The following SGCD variants were observed in gnomAD, a reference collection of about 807,000 sequenced individuals.
The protein encoded by SGCD is delta-sarcoglycan.
In SGCD, 18 loss-of-function variants were observed where a neutral mutation model predicts 36.6. The observed-to-expected ratio is 0.49, with a 90% CI of 0.34 to 0.73. The LOEUF (loss-of-function observed/expected upper bound fraction) is 0.73. SGCD is among the 30% of genes least tolerant of loss of function. SGCD has a pLI of 0.01. For synonymous variants in SGCD, 133 were observed against 130.6 expected (o/e 1.02, Z -0.12); for missense variants, 387 against 346.7 (o/e 1.12, Z -0.92).
At chr5:156,324,123 A>G (rs1395287900), upstream of SGCD, among the ~76,000 whole-genome samples, 1 of 152,204 alleles carries the variant, frequency 6.6e-6, no homozygotes, top group East Asian at 1.9e-4. Flanking sequence ...TAGTGGGGGA[A>G]TTGGTGTGAT....
chr5:156,279,062 C>A (rs1018234615), intron 3 of SGCD, among the ~76,000 whole-genome samples: 1 of 152,148 alleles, frequency 6.6e-6, no homozygotes, highest in East Asian at 1.9e-4. Context: ...GTACACAGGA[C>A]AGCCCTCACA....
chr5:156,157,788 G>C (rs1312977553), intron 3 of SGCD, among the ~76,000 whole-genome samples: 1 of 151,452 alleles, frequency 6.6e-6, no homozygotes, highest in Non-Finnish European at 1.5e-5. Context: ...GTTTGAATAG[G>C]GTTCTTTGTT....
chr5:155,996,089 A>T (rs1045925046), intron 1 of SGCD, among the ~76,000 whole-genome samples: 4 of 148,236 alleles, frequency 2.7e-5, no homozygotes, highest in African/African-American at 9.9e-5. Context: ...TGAGAAGTCT[A>T]TTGTACTGTT....
Position 156,079,018 on chromosome 5 carries a change from TA to T in SGCD, c.-281-38841del, listed in dbSNP as rs575699645. Among the ~76,000 whole-genome samples, 668 of 102,452 alleles carry T rather than the reference TA, an allele frequency of 6.5e-3. 1 individual carries two copies. Among genetic ancestry groups the T allele is most frequent in the Admixed American group, 7.0e-3 (69 of 9,808 alleles). 67.2% of individuals were successfully genotyped at this position (102,452 alleles called of 152,430 possible). ...GAAATAGCTGAGACTGGGTAATTTGTAAAAAAAAAAAAAAAAAAAGAAAAGT... is the reference window on the plus strand; with the variant it reads ...GAAATAGCTGAGACTGGGTAATTTGTAAAAAAAAAAAAAAAAAAGAAAAGT... On this transcript the variant is annotated intron_variant, in intron 1 of 9. Transcript: ENST00000517913.
intron 3 of SGCD, among the ~76,000 whole-genome samples, chr5:156,179,427 T>C (rs1763549864): frequency 6.6e-6 from 1 of 152,136 alleles, no homozygotes; most frequent in African/African-American, 2.4e-5. Context: ...AATGTTTCAA[T>C]AATTCTTGTT....
intron 4 of SGCD, among the ~76,000 whole-genome samples, chr5:156,576,436 A>T (rs1759959647): frequency 6.6e-6 from 1 of 152,174 alleles, no homozygotes; most frequent in Non-Finnish European, 1.5e-5. Context: ...TTCGGTATAT[A>T]CCCAGTAATA....
At chr5:156,354,479 A>G (rs868125758) in intron 3 of SGCD, among the ~76,000 whole-genome samples, 5 of 152,372 alleles carry the variant, frequency 3.3e-5, no homozygotes, top group Middle Eastern at 3.4e-3. Context: ...TTGAATTCCA[A>G]TTATAAAGAA....
the SGCD span, among the ~76,000 whole-genome samples, chr5:155,786,478 G>C: frequency 1.3e-5 from 2 of 151,998 alleles, no homozygotes; most frequent in Non-Finnish European, 2.9e-5. Context: ...GTGGTGTAGA[G>C]ATTAATCGGG....
intron 4 of SGCD, among the ~76,000 whole-genome samples, chr5:156,546,881 T>C (rs192949651): frequency 7.2e-5 from 11 of 152,224 alleles, no homozygotes; most frequent in Non-Finnish European, 1.5e-4. Flanking sequence ...AGAGGTAAAA[T>C]CAGGAGGAGG....
chr5:156,358,534 C>T (rs1158605373), intron 3 of SGCD, among the ~76,000 whole-genome samples: 1 of 152,096 alleles, frequency 6.6e-6, no homozygotes, highest in Non-Finnish European at 1.5e-5. Flanking sequence ...TTGTTGAGTT[C>T]CTACAGTGGG....
chr5:156,466,201 G>A (rs1487553402), intron 3 of SGCD, among the ~76,000 whole-genome samples: 2 of 152,170 alleles, frequency 1.3e-5, no homozygotes, highest in Admixed American at 6.6e-5. Context: ...TAAAAATTCA[G>A]TGTTTCCTTA....
chr5:156,007,130 C>T (rs1013309383), intron 1 of SGCD, among the ~76,000 whole-genome samples: 4 of 152,212 alleles, frequency 2.6e-5, no homozygotes, highest in Admixed American at 2.0e-4. Flanking sequence ...CCTCTAGACT[C>T]ACCCCTAATC....
intron 3 of SGCD, among the ~76,000 whole-genome samples, chr5:156,233,586 A>G (rs1765077347): frequency 6.6e-6 from 1 of 152,180 alleles, no homozygotes; most frequent in Non-Finnish European, 1.5e-5. Flanking sequence ...GGGGGATGGG[A>G]GTTGGAAACA....
the SGCD span, among the ~76,000 whole-genome samples, chr5:155,847,235 C>G: frequency 6.6e-6 from 1 of 152,170 alleles, no homozygotes; most frequent in Non-Finnish European, 1.5e-5. Flanking sequence ...TGGGTATACT[C>G]ACTATCTTCC....
At chr5:156,167,124 T>G (rs76506485) in intron 3 of SGCD, among the ~76,000 whole-genome samples, 2,217 of 152,204 alleles carry the variant, frequency 0.015, 25 homozygotes, top group Non-Finnish European at 0.024. Flanking sequence ...CACCTTTGCT[T>G]CCCAGTTCTC....
chr5:155,744,955 C>G, the SGCD span, among the ~76,000 whole-genome samples: 2 of 151,912 alleles, frequency 1.3e-5, no homozygotes, highest in African/African-American at 4.8e-5. Flanking sequence ...AGATACAAAC[C>G]ACAAAGAGGA....
chr5:155,789,909 C>T, the SGCD span, among the ~76,000 whole-genome samples: 3 of 151,994 alleles, frequency 2.0e-5, no homozygotes, highest in African/African-American at 7.2e-5. Context: ...TGTTCTGTAT[C>T]CCAGTGTATA....
At chr5:156,592,285 G>GTCAT (rs200082186) in intron 5 of SGCD, among the ~76,000 whole-genome samples, 105 of 152,074 alleles carry the variant, frequency 6.9e-4, no homozygotes, top group Middle Eastern at 6.8e-3. Flanking sequence ...CCATCCTGAG[G>GTCAT]TCATTCATTC....
intron 3 of SGCD, among the ~76,000 whole-genome samples, chr5:156,192,463 G>A (rs1436805475): frequency 1.3e-5 from 2 of 152,052 alleles, no homozygotes; most frequent in African/African-American, 4.8e-5. Context: ...GATACCAAAG[G>A]CTGGGAAGTG....
Sources: allele counts gnomAD v4.1 joint callset (sites outside exome capture counted in the v4.1 genomes callset), GRCh38; gene constraint gnomAD v4.1.1; transcripts MANE v1.5; gene names NCBI Gene and HGNC (gene_info 2026-07-23, HGNC 2026-07-21).